Variants in SLIT3 observed in about 807,000 individuals in gnomAD.
The protein encoded by SLIT3 is slit homolog 3 protein.
SLIT3 carries 68 observed loss-of-function variants against 184.0 expected under a neutral mutation model. That is an observed-to-expected ratio of 0.37 (90% CI 0.30 to 0.45). SLIT3 has a LOEUF of 0.45. Among genes scored for constraint, SLIT3 ranks in the 20% least tolerant of loss-of-function variants. The pLI, the probability that SLIT3 is intolerant of heterozygous loss-of-function variation, is 1.00. For synonymous variants in SLIT3, 831 were observed against 828.6 expected (o/e 1.00, Z -0.05); for missense variants, 1,707 against 2,026.0 (o/e 0.84, Z 3.02).
At chr5:169,206,424 C>T (rs567616668) in intron 3 of SLIT3, among the ~76,000 whole-genome samples, 6 of 152,150 alleles carry the variant, frequency 3.9e-5, no homozygotes, top group Non-Finnish European at 8.8e-5. Flanking sequence ...CCAACCCCTT[C>T]GACTCACAGG....
chr5:168,951,242 A>T (rs1163189944), intron 4 of SLIT3, among the ~76,000 whole-genome samples: 1 of 152,120 alleles, frequency 6.6e-6, no homozygotes, highest in Non-Finnish European at 1.5e-5. Context: ...AACAAAACCC[A>T]TCAAATCTAT....
intron 1 of SLIT3, among the ~76,000 whole-genome samples, chr5:169,283,466 G>A (rs751347): frequency 0.61 from 92,837 of 152,020 alleles, 28,746 homozygotes; most frequent in South Asian, 0.68. Context: ...CCTGACTTGG[G>A]TCATAAACTT....
At chr5:168,792,042 C>T (rs1756393431) in intron 10 of SLIT3, 1 of 152,240 alleles carries the variant, frequency 6.6e-6, no homozygotes, top group Non-Finnish European at 1.5e-5. Context: ...AACAGCAGCC[C>T]TGAGAGGTGA....
intron 23 of SLIT3, among the ~76,000 whole-genome samples, chr5:168,718,777 C>G (rs529387303): frequency 6.6e-6 from 1 of 151,324 alleles, no homozygotes; most frequent in Non-Finnish European, 1.5e-5. Flanking sequence ...TGTCAGTTTT[C>G]TCTTCCTGCT....
chr5:169,056,687 A>G (rs1758011614), intron 4 of SLIT3, among the ~76,000 whole-genome samples: 1 of 152,172 alleles, frequency 6.6e-6, no homozygotes, highest in South Asian at 2.1e-4. Flanking sequence ...CAGAATTCCT[A>G]CTGTTCCTGC....
Position 168,669,958 on chromosome 5 carries a change from G to C in SLIT3, c.4161C>G (p.Thr1387=), listed in dbSNP as rs747191242. The change falls in exon 35 of 36, where the codon ACC becomes ACG. Residue 1387 remains threonine (T), a synonymous_variant. Transcript: ENST00000519560. ...CHHGKCVATG[T]SYMCKCAEGY... is the part of the protein sequence containing the mutation. ...CCTCGGCACACTTGCACATGTATGA[G>C]GTCCCAGTTGCCACACATTTTCCAT... 1.2e-6 allele frequency: 2 copies of C among 1,614,162 alleles called. No homozygotes were observed. The highest frequency in any genetic ancestry group is 1.1e-5 in the South Asian group (1 of 91,074).
chr5:169,148,354 G>C (rs74336829), intron 4 of SLIT3, among the ~76,000 whole-genome samples: 3,176 of 152,286 alleles, frequency 0.021, 113 homozygotes, highest in African/African-American at 0.073. Flanking sequence ...AAAGGCCGAA[G>C]AGGAAATAAA....
At chr5:168,921,997 T>C (rs1761650392) in intron 4 of SLIT3, among the ~76,000 whole-genome samples, 1 of 152,146 alleles carries the variant, frequency 6.6e-6, no homozygotes, top group South Asian at 2.1e-4. Flanking sequence ...TTATGGGAAT[T>C]TTCTATATTA....
At position 168,671,442 on chromosome 5, in the gene SLIT3, T is replaced by G. The variant is rs1424375118; in HGVS notation, c.3883A>C (p.Thr1295Pro). ...TGGAAGCCGCCTAGAGGCCGGTCCG[T>G]GCCCTGGCGCAAGGCAGAGAGGCCG... ...STGLSALRQG[T>P]DRPLGGFHGC... The change falls in exon 34 of 36, where the codon ACG becomes CCG. Residue 1295 changes from threonine (T) to proline (P), a missense_variant. Transcript: ENST00000519560. 1.2e-6 allele frequency: 2 copies of G among 1,613,424 alleles called. No homozygotes were observed. The highest frequency in any genetic ancestry group is 1.7e-6 in the Non-Finnish European group (2 of 1,179,830).
intron 1 of SLIT3, among the ~76,000 whole-genome samples, chr5:169,287,969 T>C (rs998083766): frequency 2.6e-5 from 4 of 152,206 alleles, no homozygotes; most frequent in Non-Finnish European, 4.4e-5. Flanking sequence ...ACCCCATGCT[T>C]AGGCAAACTT....
At chr5:169,039,940 C>T (rs1464323545) in intron 4 of SLIT3, among the ~76,000 whole-genome samples, 1 of 152,232 alleles carries the variant, frequency 6.6e-6, no homozygotes, top group Admixed American at 6.5e-5. Context: ...ATGTTTGATT[C>T]ACATTGTTGA....
chr5:168,707,723 T>C, intron 26 of SLIT3: 1 of 432,078 alleles, frequency 2.3e-6, no homozygotes, highest in Non-Finnish European at 4.1e-6. Flanking sequence ...AAAATACAAA[T>C]GTTACATTTC....
At chr5:169,195,549 C>A (rs560706312) in intron 3 of SLIT3, among the ~76,000 whole-genome samples, 1 of 152,148 alleles carries the variant, frequency 6.6e-6, no homozygotes, top group Non-Finnish European at 1.5e-5. Context: ...TTGTTTGAGA[C>A]GGAGTCTCGC....
chr5:169,168,209 T>G (rs1762700787), intron 4 of SLIT3, among the ~76,000 whole-genome samples: 1 of 152,226 alleles, frequency 6.6e-6, no homozygotes, highest in African/African-American at 2.4e-5. Flanking sequence ...CTAGCAGTAA[T>G]GAAAACAGTT....
chr5:168,797,231 T>G (rs1161846952), intron 9 of SLIT3, among the ~76,000 whole-genome samples: 2 of 152,022 alleles, frequency 1.3e-5, no homozygotes, highest in African/African-American at 4.8e-5. Flanking sequence ...TCCAAGGACA[T>G]GCTCATTTTC....
At chr5:168,795,697 G>T in intron 9 of SLIT3, 119 bp from the exon 10 acceptor site, 1 of 792,270 alleles carries the variant, frequency 1.3e-6, no homozygotes, top group Non-Finnish European at 2.2e-6. Context: ...CAGGTGCACG[G>T]TCTGGTTGTG....
At position 168,935,710 on chromosome 5, in the gene SLIT3, G is replaced by T. The variant is rs188705499; in HGVS notation, c.414-52374C>A. ...TGTTTTCATAAATAGGGATATATAGGATTACAATGAGCAGGAAGAAAAGAA... is the reference window on the plus strand; with the variant it reads ...TGTTTTCATAAATAGGGATATATAGTATTACAATGAGCAGGAAGAAAAGAA... On this transcript the variant is annotated intron_variant, in intron 4 of 35. Coordinates refer to ENST00000519560, the MANE Select transcript of SLIT3 (RefSeq NM_003062.4). Among the ~76,000 whole-genome samples, 6 of 152,336 alleles carry T rather than the reference G, an allele frequency of 3.9e-5. No individual in the cohort carries two copies. The East Asian group carries it at 1.2e-3, about 29-fold the overall frequency.
chr5:168,800,874 T>G (rs1040530342), intron 9 of SLIT3, among the ~76,000 whole-genome samples: 14 of 152,252 alleles, frequency 9.2e-5, no homozygotes, highest in Admixed American at 5.2e-4. Flanking sequence ...AACTTGAGAC[T>G]AAATCGTTCT....
chr5:169,065,681 C>T (rs1485941063), intron 4 of SLIT3, among the ~76,000 whole-genome samples: 2 of 152,214 alleles, frequency 1.3e-5, no homozygotes, highest in African/African-American at 2.4e-5. Context: ...TCCCATGCCA[C>T]TGTGGGGCAA....
Sources: allele counts gnomAD v4.1 joint callset (sites outside exome capture counted in the v4.1 genomes callset), GRCh38; gene constraint gnomAD v4.1.1; transcripts MANE v1.5; gene names NCBI Gene and HGNC (gene_info 2026-07-23, HGNC 2026-07-21).